Variants in RMDN2 observed in about 807,000 individuals in gnomAD.
The protein encoded by RMDN2 is regulator of microtubule dynamics protein 2.
A neutral mutation model predicts 52.8 loss-of-function variants in RMDN2; 61 were observed. The ratio of observed to expected loss-of-function variants is 1.16; its 90% CI spans 0.94 to 1.43. The LOEUF (loss-of-function observed/expected upper bound fraction) is 1.43, where lower values mean the gene tolerates loss of function less well. RMDN2 is among the 40% of genes most tolerant of loss of function. The pLI, the probability that RMDN2 is intolerant of heterozygous loss-of-function variation, is 0.00. For missense variants in RMDN2, 592 were observed against 475.3 expected (o/e 1.25, Z -2.28); for synonymous variants, 180 against 153.1 (o/e 1.18, Z -1.30).
intron 2 of RMDN2, among the ~76,000 whole-genome samples, chr2:37,943,851 A>G (rs1179304319): frequency 6.6e-6 from 1 of 151,996 alleles, no homozygotes; most frequent in Admixed American, 6.6e-5. Context: ...TGACTTTATA[A>G]TTTTTAGTAC....
intron 10 of RMDN2, among the ~76,000 whole-genome samples, chr2:38,013,973 G>A (rs1179607912): frequency 2.0e-5 from 3 of 152,180 alleles, no homozygotes; most frequent in Non-Finnish European, 2.9e-5. Flanking sequence ...TTGGGCGGCC[G>A]AGGCGGGCGG....
At chr2:38,028,841 C>T (rs185520863) in intron 10 of RMDN2, among the ~76,000 whole-genome samples, 13 of 152,220 alleles carry the variant, frequency 8.5e-5, no homozygotes, top group Non-Finnish European at 1.6e-4. Flanking sequence ...AGGTCAGGGT[C>T]TGAAGCTCAA....
intron 10 of RMDN2, among the ~76,000 whole-genome samples, chr2:38,041,097 G>A (rs140847053): frequency 1.8e-3 from 280 of 152,242 alleles, no homozygotes; most frequent in African/African-American, 6.2e-3. Flanking sequence ...GTTGAAGGAG[G>A]TTTGGGTTCA....
chr2:37,922,656 A>G (rs753306430), upstream of RMDN2, among the ~76,000 whole-genome samples: 2 of 152,218 alleles, frequency 1.3e-5, no homozygotes, highest in Non-Finnish European at 2.9e-5. Context: ...TGTACACCAG[A>G]GAGGTTTGCT....
chr2:37,952,180 C>T (rs1392829571), intron 2 of RMDN2: 3 of 1,613,016 alleles, frequency 1.9e-6, no homozygotes, highest in African/African-American at 1.3e-5. Context: ...AGATCTTCAC[C>T]TATTGAAATT....
chr2:37,956,473 T>G (rs1436502536), intron 2 of RMDN2, among the ~76,000 whole-genome samples: 1 of 152,146 alleles, frequency 6.6e-6, no homozygotes, highest in African/African-American at 2.4e-5. Context: ...TGTTGATCAT[T>G]CTGAAGGACA....
At chr2:37,994,400 A>G (rs901836332) in intron 7 of RMDN2, among the ~76,000 whole-genome samples, 11 of 152,220 alleles carry the variant, frequency 7.2e-5, no homozygotes, top group African/African-American at 2.7e-4. Flanking sequence ...CTCTTCCTCC[A>G]TGATGTCAGG....
At chr2:38,023,645 G>A (rs1222314415) in intron 10 of RMDN2, among the ~76,000 whole-genome samples, 2 of 152,120 alleles carry the variant, frequency 1.3e-5, no homozygotes, top group Admixed American at 1.3e-4. Flanking sequence ...AACAAGAATA[G>A]TTGATTTCAC....
At chr2:38,027,950 G>A (rs1286380299) in intron 10 of RMDN2, 1 of 152,098 alleles carries the variant, frequency 6.6e-6, no homozygotes, top group Non-Finnish European at 1.5e-5. Flanking sequence ...TGACTGTCCT[G>A]ATCTTTAAAA....
intron 10 of RMDN2, among the ~76,000 whole-genome samples, chr2:38,062,204 C>T (rs1022233447): frequency 6.6e-6 from 1 of 152,184 alleles, no homozygotes; most frequent in Non-Finnish European, 1.5e-5. Flanking sequence ...TCCAAAACTC[C>T]ACCAGGCTAT....
intron 10 of RMDN2, chr2:38,066,954 A>C (rs769241368): frequency 3.7e-6 from 6 of 1,613,218 alleles, no homozygotes; most frequent in Non-Finnish European, 5.1e-6. Context: ...TGCAATTTTT[A>C]CTTCTTTTCC....
chr2:38,059,803 G>A (rs575261661), intron 10 of RMDN2, among the ~76,000 whole-genome samples: 4 of 152,318 alleles, frequency 2.6e-5, no homozygotes, highest in Admixed American at 1.3e-4. Context: ...ACACTCTGTT[G>A]CAAAGAAAAT....
At chr2:37,966,766 T>C (rs1043868747) in intron 2 of RMDN2, among the ~76,000 whole-genome samples, 3 of 152,140 alleles carry the variant, frequency 2.0e-5, no homozygotes. Flanking sequence ...AAAAAGTTCA[T>C]GGAAAATGAA....
chr2:38,020,625 G>A (rs900680650), downstream of RMDN2, among the ~76,000 whole-genome samples: 1 of 152,230 alleles, frequency 6.6e-6, no homozygotes, highest in Non-Finnish European at 1.5e-5. Context: ...CGGCCCTGCC[G>A]GCCCAGGCAA....
intron 10 of RMDN2, among the ~76,000 whole-genome samples, chr2:38,063,748 G>T (rs1472085245): frequency 3.9e-5 from 6 of 152,154 alleles, no homozygotes; most frequent in Admixed American, 3.3e-4. Flanking sequence ...CGAAGGATAT[G>T]AACAGACACT....
At position 37,974,880 on chromosome 2, in the gene RMDN2, TGGAAA is replaced by T. The variant is rs373154250; in HGVS notation, c.628-326_628-322del. ...CTCATTATATTGATAATAGATAACT[TGGAAA>T]GGAAAAGAAGAAAAGGATGCCACAG... is the stretch of plus-strand genomic sequence containing the variant. On this transcript the variant is annotated intron_variant, in intron 3 of 10. Coordinates refer to ENST00000354545, the MANE Select transcript of RMDN2 (RefSeq NM_001170791.3). 3.9e-3 allele frequency: 932 copies of T among 241,448 alleles called. 10 individuals carry two copies. Among genetic ancestry groups the T allele is most frequent in the African/African-American group, 0.02 (861 of 42,796 alleles). The allele number at this position is 241,448 out of a possible 1,614,324, so 15.0% of individuals were successfully genotyped here.
rs2124885511 is a variant in RMDN2 at position 37,929,333 on chromosome 2, GA to G, written c.58del (p.Ile20SerfsTer16). 6.4e-7 allele frequency: 1 copy of G among 1,551,892 alleles called. No homozygotes were observed. Among genetic ancestry groups the G allele is most frequent in the South Asian group, 1.2e-5 (1 of 84,018 alleles). On this transcript the variant is annotated frameshift_variant, in exon 2 of 11. Transcript: ENST00000354545. LOFTEE classifies it high-confidence loss of function. ...LILGIMVGTA[G>X]ISLLLLWYHK... ...CTTGGCATCATGGTGGGCACTGCTG[GA>G]ATCAGCTTGCTGCTCTTGTGGTACC...
rs530504226 is a variant in RMDN2, at chr2:37,954,491, C to A, written c.453-19549C>A. Among the ~76,000 whole-genome samples the A allele has an allele frequency of 7.2e-5, 11 of 152,108 alleles. No homozygotes were observed. The South Asian group carries it at 2.3e-3, about 32-fold the overall frequency. On this transcript the variant is annotated intron_variant, in intron 2 of 10. Coordinates refer to ENST00000354545, the MANE Select transcript of RMDN2 (RefSeq NM_001170791.3). Reference sequence around the variant, plus strand: ...CATTGAATGGTCTTGGAACCTTTGTCAAAAGTCATGTGATCATATATGTGT... The same window carrying A: ...CATTGAATGGTCTTGGAACCTTTGTAAAAAGTCATGTGATCATATATGTGT...
intron 2 of RMDN2, among the ~76,000 whole-genome samples, chr2:37,932,433 A>T (rs1558435625): frequency 6.6e-6 from 1 of 151,246 alleles, no homozygotes; most frequent in Non-Finnish European, 1.5e-5. Flanking sequence ...TTAGTACAGA[A>T]CAAAATGAAA....
Sources: gnomAD v4.1 joint callset for allele counts (sites outside exome capture counted in the v4.1 genomes callset) on GRCh38, gnomAD v4.1.1 for gene constraint, MANE v1.5 for transcripts, NCBI Gene and HGNC (gene_info 2026-07-23, HGNC 2026-07-21) for gene names.